Variants in NFATC2 observed in about 807,000 individuals in gnomAD.
NFATC2 encodes nuclear factor of activated T cells 2.
NFATC2 carries 22 observed loss-of-function variants against 87.3 expected under a neutral mutation model. The ratio of observed to expected loss-of-function variants is 0.25; its 90% confidence interval spans 0.18 to 0.36. The LOEUF is 0.36. NFATC2 is among the 10% of genes least tolerant of loss of function. NFATC2 has a pLI of 1.00. For missense variants in NFATC2, 1,149 were observed against 1,259.1 expected, an observed-to-expected ratio of 0.91 and a Z score of 1.32; for synonymous variants, 565 against 542.2, an observed-to-expected ratio of 1.04 and a Z score of -0.58.
chr20:51,551,257 C>CA (rs2076930099), intron 1 of NFATC2, among the ~76,000 whole-genome samples: 1 of 151,788 alleles, frequency 6.6e-6, no homozygotes, highest in Non-Finnish European at 1.5e-5. Flanking sequence ...TTTAAAACAT[C>CA]AAAATGAATG....
chr20:51,513,022 T>TA (rs2076296095), intron 3 of NFATC2, among the ~76,000 whole-genome samples: 2 of 147,630 alleles, frequency 1.4e-5, no homozygotes, highest in South Asian at 4.3e-4. Context: ...TTCCAAGAAG[T>TA]TTTTTTTTTT....
chr20:51,428,274 G>A (rs1982159708), intron 9 of NFATC2, among the ~76,000 whole-genome samples: 1 of 152,202 alleles, frequency 6.6e-6, no homozygotes, highest in African/African-American at 2.4e-5. Context: ...GGGGATGACA[G>A]CAGAGAGAAC....
chr20:51,398,983 C>T (rs1020447824), intron 9 of NFATC2: 11 of 411,306 alleles, frequency 2.7e-5, no homozygotes, highest in African/African-American at 4.0e-5. Context: ...ATCAGGGGAG[C>T]GTGTTCAGGG....
At position 51,562,505 on chromosome 20, in the gene NFATC2, GA is replaced by G; in HGVS notation, c.70+54del. On this transcript the variant is annotated intron_variant, in intron 1 of 10. Transcript: ENST00000414705. The surrounding 1 kb of genome is among the most constrained non-coding windows in gnomAD (Gnocchi z 5.8). Reference sequence around the variant, plus strand: ...GTGCTGCCCGGGACGGGAGCAGCAGGAAAGGGCCGGGAGGAGCGAGCGGAAA... The same window carrying G: ...GTGCTGCCCGGGACGGGAGCAGCAGGAAGGGCCGGGAGGAGCGAGCGGAAA... 1 of 1,470,642 alleles carries G rather than the reference GA, an allele frequency of 6.8e-7. No homozygotes were observed. The highest frequency in any genetic ancestry group is 9.3e-7 in the Non-Finnish European group (1 of 1,077,258). The allele number at this position is 1,470,642 out of a possible 1,614,324, so 91.1% of individuals were successfully genotyped here.
chr20:51,469,484 G>C (rs984999325), intron 5 of NFATC2, among the ~76,000 whole-genome samples: 11 of 152,134 alleles, frequency 7.2e-5, no homozygotes, highest in Admixed American at 2.6e-4. Flanking sequence ...AAATGCAGTT[G>C]AGGAAGTGTA....
intron 1 of NFATC2, among the ~76,000 whole-genome samples, chr20:51,529,226 A>G (rs76626226): frequency 9.8e-4 from 149 of 152,326 alleles, no homozygotes; most frequent in African/African-American, 3.5e-3. Flanking sequence ...TGATGTGCAC[A>G]GTCCACAGAA....
chr20:51,536,486 C>T (rs2076721988), intron 1 of NFATC2, among the ~76,000 whole-genome samples: 1 of 152,210 alleles, frequency 6.6e-6, no homozygotes, highest in South Asian at 2.1e-4. Flanking sequence ...CTGAGAGCCC[C>T]TTGCCACCCA....
rs147911025 is a variant in NFATC2 at position 51,454,600 on chromosome 20, C to T, written c.1797G>A (p.Thr599=). The change falls in exon 6 of 11, where the codon ACG becomes ACA. Residue 599 remains threonine, a synonymous_variant. Transcript: ENST00000371564. ...LVYGGQQMIL[T]GQNFTSESKV... ...TGGACTCGGATGTAAAGTTCTGCCC[C>T]GTGAGGATCATTTGCTGGCCGCCAT... is the stretch of plus-strand genomic sequence containing the variant. 4.6e-5 allele frequency: 75 copies of T among 1,614,088 alleles called. No homozygotes were observed. The highest frequency in any genetic ancestry group is 3.7e-4 in the African/African-American group (28 of 75,030).
chr20:51,473,889 C>CG (rs2146510592), intron 5 of NFATC2, 91 bp downstream of exon 5: 3 of 1,420,392 alleles, frequency 2.1e-6, no homozygotes, highest in East Asian at 2.3e-5. Flanking sequence ...CAGGCCACCC[C>CG]GGGTACCTCG....
chr20:51,400,556 A>G (rs1447753967), intron 9 of NFATC2, among the ~76,000 whole-genome samples: 1 of 152,088 alleles, frequency 6.6e-6, no homozygotes, highest in African/African-American at 2.4e-5. Context: ...AAAGCATCAC[A>G]TGATGGCTCC....
intron 3 of NFATC2, among the ~76,000 whole-genome samples, chr20:51,490,052 T>C (rs894889831): frequency 3.3e-5 from 5 of 152,210 alleles, no homozygotes; most frequent in Non-Finnish European, 7.3e-5. Context: ...AAATATTTGT[T>C]AAGTTCTGCC....
chr20:51,470,719 G>A (rs372767235), intron 5 of NFATC2, among the ~76,000 whole-genome samples: 9 of 152,174 alleles, frequency 5.9e-5, no homozygotes, highest in East Asian at 1.9e-4. Context: ...CTGCCAGCGC[G>A]TGTTACGGAC....
intron 3 of NFATC2, among the ~76,000 whole-genome samples, chr20:51,485,215 G>C (rs946276492): frequency 6.6e-6 from 1 of 152,190 alleles, no homozygotes; most frequent in African/African-American, 2.4e-5. Context: ...TAGCCTAACA[G>C]GACTCAGGAC....
intron 10 of NFATC2, among the ~76,000 whole-genome samples, chr20:51,396,541 A>AAT (rs1303993250): frequency 2.0e-5 from 3 of 152,130 alleles, no homozygotes; most frequent in Admixed American, 2.0e-4. Context: ...TGTTTTCCAA[A>AAT]ATCTGGTGAG....
chr20:51,410,325 AG>A (rs1979030834), intron 9 of NFATC2, among the ~76,000 whole-genome samples: 1 of 152,068 alleles, frequency 6.6e-6, no homozygotes, highest in Non-Finnish European at 1.5e-5. Flanking sequence ...TAACAATATC[AG>A]GGGAAAACTG....
chr20:51,414,817 C>A (rs1270202639), intron 9 of NFATC2, among the ~76,000 whole-genome samples: 1 of 152,096 alleles, frequency 6.6e-6, no homozygotes, highest in African/African-American at 2.4e-5. Flanking sequence ...GAGGGGTGGG[C>A]GAGGCTGATC....
chr20:51,464,888 C>T (rs1987521624), intron 5 of NFATC2, among the ~76,000 whole-genome samples: 1 of 152,254 alleles, frequency 6.6e-6, no homozygotes, highest in Admixed American at 6.5e-5. Context: ...AAGCTCACTT[C>T]TCCATGCTAC....
chr20:51,452,636 C>A (rs992020331), intron 6 of NFATC2, among the ~76,000 whole-genome samples: 5 of 152,204 alleles, frequency 3.3e-5, no homozygotes, highest in Admixed American at 3.3e-4. Context: ...CCCGTCCTCC[C>A]TGCCCAACCT....
chr20:51,457,424 G>A (rs994621397), intron 5 of NFATC2, among the ~76,000 whole-genome samples: 11 of 152,296 alleles, frequency 7.2e-5, no homozygotes, highest in South Asian at 6.2e-4. Context: ...GGAGGCTGGC[G>A]CGGACAGTTG....
Sources: allele counts gnomAD v4.1 joint callset (sites outside exome capture counted in the v4.1 genomes callset), GRCh38; gene constraint gnomAD v4.1.1; non-coding constraint Gnocchi (gnomAD v3.1); transcripts MANE v1.5; gene names NCBI Gene and HGNC (gene_info 2026-07-23, HGNC 2026-07-21).